The following PGM5 variants were observed in gnomAD, a reference collection of about 807,000 sequenced individuals.
PGM5 encodes the protein phosphoglucomutase-like protein 5.
Under a neutral mutation model 59.2 loss-of-function variants are expected in PGM5, and 23 were observed. The observed-to-expected ratio is 0.39, with a 90% CI of 0.28 to 0.55. PGM5 has a LOEUF of 0.55. Among genes scored for constraint, PGM5 ranks in the 20% least tolerant of loss-of-function variants. PGM5 has a pLI of 0.66. For synonymous variants in PGM5, 214 were observed against 286.0 expected, an observed-to-expected ratio of 0.75 and a Z score of 2.54; for missense variants, 574 against 748.3, an observed-to-expected ratio of 0.77 and a Z score of 2.72.
At chr9:68,418,312 A>G (rs1823070297) in intron 6 of PGM5, among the ~76,000 whole-genome samples, 1 of 152,160 alleles carries the variant, frequency 6.6e-6, no homozygotes, top group Admixed American at 6.5e-5. Flanking sequence ...TCTGGGAATT[A>G]GCCCCATGGG....
At chr9:68,401,520 G>T (rs2132026991) in intron 6 of PGM5, among the ~76,000 whole-genome samples, 2 of 152,158 alleles carry the variant, frequency 1.3e-5, no homozygotes, top group Admixed American at 1.3e-4. Flanking sequence ...TTGACCAGTG[G>T]TGGATGGATC....
intron 10 of PGM5, among the ~76,000 whole-genome samples, chr9:68,504,689 A>G (rs1175980345): frequency 1.3e-5 from 2 of 151,952 alleles, no homozygotes; most frequent in African/African-American, 4.8e-5. Flanking sequence ...TGCTTTCTCC[A>G]TGGCATTTAT....
chr9:68,376,834 TC>T (rs529090636), intron 1 of PGM5, among the ~76,000 whole-genome samples: 16,871 of 84,252 alleles, frequency 0.2, 1,837 homozygotes, highest in African/African-American at 0.26. Flanking sequence ...TCTTTCTTTC[TC>T]TTTCTTTCTT....
chr9:68,471,746 T>C (rs1166575973), intron 7 of PGM5, among the ~76,000 whole-genome samples: 1 of 151,852 alleles, frequency 6.6e-6, no homozygotes, highest in Admixed American at 6.6e-5. Context: ...TGGTGAAACC[T>C]TGTCTCTATT....
chr9:68,372,325 G>A (rs1408614951), intron 1 of PGM5, among the ~76,000 whole-genome samples: 2 of 151,100 alleles, frequency 1.3e-5, no homozygotes, highest in African/African-American at 2.4e-5. Context: ...TTGGCTTCCC[G>A]GGTGTGGCTG....
chr9:68,368,002 A>T (rs1554676839), intron 1 of PGM5, among the ~76,000 whole-genome samples: 1 of 152,224 alleles, frequency 6.6e-6, no homozygotes, highest in Non-Finnish European at 1.5e-5. Context: ...GTATCTATAC[A>T]GATAGATATA....
chr9:68,363,285 C>T (rs1554676405), intron 1 of PGM5, among the ~76,000 whole-genome samples: 1 of 152,304 alleles, frequency 6.6e-6, no homozygotes, highest in South Asian at 2.1e-4. Context: ...GTCCCAGCCA[C>T]TAGCCATATG....
intron 10 of PGM5, 47 bp downstream of exon 10, chr9:68,499,408 C>A: frequency 6.3e-7 from 1 of 1,591,552 alleles, no homozygotes; most frequent in Non-Finnish European, 8.6e-7. Flanking sequence ...CAGCTCCTGG[C>A]AAATTTAGAG....
At chr9:68,527,805 T>C (rs1397218930) in intron 10 of PGM5, among the ~76,000 whole-genome samples, 1 of 152,234 alleles carries the variant, frequency 6.6e-6, no homozygotes, top group Non-Finnish European at 1.5e-5. Flanking sequence ...CATAAATTGC[T>C]GCCAGATCAA....
intron 10 of PGM5, among the ~76,000 whole-genome samples, chr9:68,528,712 C>T (rs909696549): frequency 6.6e-6 from 1 of 152,158 alleles, no homozygotes; most frequent in Non-Finnish European, 1.5e-5. Context: ...CTGAGGCATG[C>T]ACTATCTTGG....
intron 7 of PGM5, chr9:68,466,172 C>T (rs1823931344): frequency 4.6e-6 from 6 of 1,299,812 alleles, no homozygotes; most frequent in Non-Finnish European, 6.1e-6. Flanking sequence ...TTTAGATCGT[C>T]TCTATTGGAA....
At chr9:68,468,565 A>C (rs551308091) in intron 7 of PGM5, among the ~76,000 whole-genome samples, 9 of 152,340 alleles carry the variant, frequency 5.9e-5, no homozygotes, top group Non-Finnish European at 1.3e-4. Context: ...CAGTGCTGAC[A>C]GAGTACCAGG....
At chr9:68,431,487 A>G (rs1489750561) in intron 6 of PGM5, among the ~76,000 whole-genome samples, 10 of 152,208 alleles carry the variant, frequency 6.6e-5, no homozygotes, top group African/African-American at 2.2e-4. Flanking sequence ...TACTGTCACC[A>G]AGGCATTTTT....
intron 6 of PGM5, among the ~76,000 whole-genome samples, chr9:68,457,562 G>A (rs556951023): frequency 6.6e-6 from 1 of 152,162 alleles, no homozygotes; most frequent in Non-Finnish European, 1.5e-5. Context: ...GTGCCTAGAT[G>A]TGTCCTTTCC....
intron 6 of PGM5, among the ~76,000 whole-genome samples, chr9:68,410,370 G>A (rs758111652): frequency 2.0e-5 from 3 of 152,100 alleles, no homozygotes; most frequent in Non-Finnish European, 2.9e-5. Flanking sequence ...GTTATAGAGG[G>A]ACAACTAGCT....
intron 6 of PGM5, among the ~76,000 whole-genome samples, chr9:68,458,325 C>T (rs1437243956): frequency 2.0e-5 from 3 of 152,194 alleles, no homozygotes; most frequent in African/African-American, 7.2e-5. Context: ...TTCCCCATGA[C>T]ACCTACCTAA....
intron 10 of PGM5, among the ~76,000 whole-genome samples, chr9:68,528,235 T>C (rs1399571201): frequency 2.0e-5 from 3 of 152,196 alleles, no homozygotes; most frequent in Non-Finnish European, 4.4e-5. Flanking sequence ...TTATTTTTTA[T>C]TTTATTTTTA....
At chr9:68,418,614 C>A (rs1437702237) in intron 6 of PGM5, among the ~76,000 whole-genome samples, 1 of 152,020 alleles carries the variant, frequency 6.6e-6, no homozygotes, top group African/African-American at 2.4e-5. Context: ...CTGTGTTTCT[C>A]ACCTTGCTGC....
intron 1 of PGM5, among the ~76,000 whole-genome samples, chr9:68,361,128 G>A (rs1235733742): frequency 6.6e-6 from 1 of 152,112 alleles, no homozygotes; most frequent in Non-Finnish European, 1.5e-5. Context: ...ACGTTGCCCA[G>A]GCTGGTCTCA....
Sources: allele counts gnomAD v4.1 joint callset (sites outside exome capture counted in the v4.1 genomes callset), GRCh38; gene constraint gnomAD v4.1.1; transcripts MANE v1.5; gene names NCBI Gene and HGNC (gene_info 2026-07-23, HGNC 2026-07-21).